Variants in CACNA1C observed in about 807,000 individuals in gnomAD.
CACNA1C encodes calcium voltage-gated channel subunit alpha1 C.
CACNA1C carries 30 observed loss-of-function variants against 229.0 expected under a neutral mutation model. The observed-to-expected ratio is 0.13, with a 90% CI of 0.10 to 0.18. CACNA1C has a LOEUF of 0.18. Ranked by LOEUF, CACNA1C falls within the 10% of genes least tolerant of loss-of-function variation. The pLI, the probability that CACNA1C is intolerant of heterozygous loss-of-function variation, is 1.00. For missense variants in CACNA1C, 1,658 were observed against 2,845.0 expected, an observed-to-expected ratio of 0.58 and a Z score of 9.49; for synonymous variants, 1,114 against 1,132.5, an observed-to-expected ratio of 0.98 and a Z score of 0.33.
chr12:2,344,688 G>A (rs558202187), intron 3 of CACNA1C, among the ~76,000 whole-genome samples: 13 of 152,102 alleles, frequency 8.5e-5, no homozygotes, highest in Admixed American at 6.5e-4. Context: ...GAGGATGTGC[G>A]CCTATGTGTG....
intron 1 of CACNA1C, chr12:2,004,736 G>T (rs2043056532): frequency 2.6e-6 from 1 of 390,390 alleles, no homozygotes; most frequent in Non-Finnish European, 4.7e-6. Flanking sequence ...CTGTGTGTGC[G>T]GTAGGATTTC....
chr12:2,690,996 G>C lies in CACNA1C; in HGVS notation c.6214G>C (p.Glu2072Gln). ...ELADACDMTI[E>Q]EMESAADNIL... ...GGCCGACGCCTGCGACATGACCATAGAGGAGATGGAGAGCGCGGCCGACAA... is the reference window on the plus strand; with the variant it reads ...GGCCGACGCCTGCGACATGACCATACAGGAGATGGAGAGCGCGGCCGACAA... The change falls in exon 47 of 47, where the codon GAG (glutamate) becomes CAG (glutamine). Residue 2072 changes from glutamate to glutamine, a missense_variant. This residue lies in a region of CACNA1C where 590 missense variants were observed against 700.8 expected (regional missense o/e 0.84). Transcript: ENST00000399655. 1 of 1,600,410 alleles carries C rather than the reference G, an allele frequency of 6.2e-7. No homozygotes were observed. The highest frequency in any genetic ancestry group is 8.5e-7 in the Non-Finnish European group (1 of 1,173,566).
At chr12:2,289,349 G>A (rs977080170) in intron 3 of CACNA1C, among the ~76,000 whole-genome samples, 47 of 152,274 alleles carry the variant, frequency 3.1e-4, no homozygotes, top group Admixed American at 6.5e-4. Flanking sequence ...CCTGGGGAGG[G>A]GGTGGATGGA....
At chr12:2,600,435 T>A (rs2071363935) in intron 21 of CACNA1C, among the ~76,000 whole-genome samples, 1 of 152,222 alleles carries the variant, frequency 6.6e-6, no homozygotes, top group African/African-American at 2.4e-5. Context: ...CTGCGGACAC[T>A]CTGCCCTGGG....
chr12:2,394,909 G>A (rs1035508715), intron 3 of CACNA1C, among the ~76,000 whole-genome samples: 1 of 152,216 alleles, frequency 6.6e-6, no homozygotes, highest in Non-Finnish European at 1.5e-5. Context: ...CTAGACTTAA[G>A]TTCAATTAGG....
chr12:2,159,087 G>A (rs2095698968), intron 3 of CACNA1C, among the ~76,000 whole-genome samples: 1 of 152,114 alleles, frequency 6.6e-6, no homozygotes, highest in Non-Finnish European at 1.5e-5. Context: ...AAAAGAAACA[G>A]CTAAGGAATT....
chr12:2,388,116 G>C (rs529360802), intron 3 of CACNA1C, among the ~76,000 whole-genome samples: 1 of 152,332 alleles, frequency 6.6e-6, no homozygotes, highest in South Asian at 2.1e-4. Flanking sequence ...AGAGTAGAAA[G>C]GTAGTTGCCA....
chr12:2,407,818 A>C (rs902559482), intron 3 of CACNA1C, among the ~76,000 whole-genome samples: 42 of 152,382 alleles, frequency 2.8e-4, no homozygotes, highest in Middle Eastern at 3.4e-3. Context: ...GCATCTTTTC[A>C]TGTGCATATT....
chr12:2,670,939 C>T (rs927035839), intron 38 of CACNA1C, among the ~76,000 whole-genome samples: 55 of 150,808 alleles, frequency 3.6e-4, no homozygotes, highest in African/African-American at 1.3e-3. Flanking sequence ...AAAAAATATA[C>T]CATCAGTAGC....
chr12:2,589,119 A>G (rs751867), intron 18 of CACNA1C, among the ~76,000 whole-genome samples: 5,554 of 152,112 alleles, frequency 0.037, 355 homozygotes, highest in African/African-American at 0.13. Context: ...TTCATGAACT[A>G]CTCATGAAGC....
intron 1 of CACNA1C, among the ~76,000 whole-genome samples, chr12:1,990,792 G>A (rs187658328): frequency 6.6e-6 from 1 of 152,274 alleles, no homozygotes; most frequent in East Asian, 1.9e-4. Flanking sequence ...CAAAGAACAT[G>A]TAAACCATAC....
At chr12:2,530,748 G>A (rs1207059966) in intron 9 of CACNA1C, among the ~76,000 whole-genome samples, 1 of 152,134 alleles carries the variant, frequency 6.6e-6, no homozygotes. Context: ...TCCAGGATAG[G>A]GACCATGCCA....
At position 2,608,643 on chromosome 12, in the gene CACNA1C, C is replaced by T. The variant is rs1057522786; in HGVS notation, c.3489C>T (p.Gly1163=). 1 of 1,614,066 alleles carries T rather than the reference C, an allele frequency of 6.2e-7. No individual in the cohort carries two copies. The highest frequency in any genetic ancestry group is 1.7e-5 in the Admixed American group (1 of 60,028). The change falls in exon 27 of 47, where the codon GGC becomes GGT. Residue 1163 remains glycine (G), a synonymous_variant. Coordinates refer to ENST00000399655, the MANE Select transcript of CACNA1C (RefSeq NM_000719.7). This position sits in a 1 kb window ranked among gnomAD's most constrained non-coding sequence, Gnocchi z 4.2. The part of the protein sequence containing the change: ...IAFFMMNIFV[G]FVIVTFQEQG... Reference sequence around the variant, plus strand: ...TCTTCATGATGAACATCTTCGTGGGCTTCGTCATCGTCACCTTTCAGGAGC... The same window carrying T: ...TCTTCATGATGAACATCTTCGTGGGTTTCGTCATCGTCACCTTTCAGGAGC...
chr12:2,306,766 A>G (rs1424111523), intron 3 of CACNA1C, among the ~76,000 whole-genome samples: 1 of 152,226 alleles, frequency 6.6e-6, no homozygotes, highest in Non-Finnish European at 1.5e-5. Flanking sequence ...GTGCCACAGG[A>G]TTTCTCAGGA....
At chr12:2,380,535 G>T (rs984899219) in intron 3 of CACNA1C, among the ~76,000 whole-genome samples, 1 of 152,136 alleles carries the variant, frequency 6.6e-6, no homozygotes, top group African/African-American at 2.4e-5. Context: ...TCACCCCTCT[G>T]GGAGCCCGGT....
rs758898718 is a variant in CACNA1C, at chr12:2,653,835, G to A, written c.4075G>A (p.Ala1359Thr). The A allele has an allele frequency of 6.2e-7, 1 of 1,613,794 alleles. No homozygotes were observed. Among genetic ancestry groups the A allele is most frequent in the Non-Finnish European group, 8.5e-7 (1 of 1,179,832 alleles). ...LLWTFIKSFQ[A>T]LPYVALLIVM... ...GGGAGTCTCCTGCACTTCCTTCCAGGCCCTGCCCTATGTGGCCCTCCTGAT... is the reference window on the plus strand; with the variant it reads ...GGGAGTCTCCTGCACTTCCTTCCAGACCCTGCCCTATGTGGCCCTCCTGAT... Residue 1359 changes from alanine to threonine, a missense_variant and splice_region_variant, in exon 33 of 47, where the codon GCC becomes ACC. Transcript: ENST00000399655. This position sits in a 1 kb window ranked among gnomAD's most constrained non-coding sequence, Gnocchi z 4.7.
chr12:2,690,416 C>A (rs963002488), intron 46 of CACNA1C, among the ~76,000 whole-genome samples: 1 of 152,150 alleles, frequency 6.6e-6, no homozygotes, highest in Non-Finnish European at 1.5e-5. Flanking sequence ...TGCAGCCTGG[C>A]GCTGCTGGGG....
At chr12:2,619,666 C>T (rs1256191152) in intron 29 of CACNA1C, among the ~76,000 whole-genome samples, 4 of 152,092 alleles carry the variant, frequency 2.6e-5, no homozygotes, top group African/African-American at 9.7e-5. Flanking sequence ...CAGTTTTTCA[C>T]CATTCCCTCT....
intron 28 of CACNA1C, 111 bp downstream of exon 28, chr12:2,610,810 A>C (rs1048377815): frequency 2.8e-6 from 3 of 1,083,322 alleles, no homozygotes; most frequent in East Asian, 2.5e-5. Flanking sequence ...CTGGTCACCA[A>C]GGGAGGCATT....
Sources: gnomAD v4.1 joint callset for allele counts (sites outside exome capture counted in the v4.1 genomes callset) on GRCh38, gnomAD v4.1.1 for gene constraint, gnomAD v4.1.1 regional missense constraint, Gnocchi (gnomAD v3.1) non-coding constraint, MANE v1.5 for transcripts, NCBI Gene and HGNC (gene_info 2026-07-23, HGNC 2026-07-21) for gene names.